The following SEMA3E variants were observed in gnomAD, a reference collection of about 807,000 sequenced individuals.
The protein encoded by SEMA3E is semaphorin-3E.
SEMA3E carries 49 observed loss-of-function variants against 93.6 expected under a neutral mutation model. The observed-to-expected ratio is 0.52, with a 90% confidence interval of 0.42 to 0.66. SEMA3E has a LOEUF of 0.66. Ranked by LOEUF, SEMA3E falls within the 30% of genes least tolerant of loss-of-function variation. The probability of loss-of-function intolerance (pLI) is 0.00; values close to 1 mark genes in which losing one functional copy is unlikely to be tolerated. For missense variants in SEMA3E, 906 were observed against 964.8 expected, an observed-to-expected ratio of 0.94 and a Z score of 0.81; for synonymous variants, 363 against 330.7, an observed-to-expected ratio of 1.10 and a Z score of -1.06.
At chr7:83,453,563 G>T (rs1470101197) in intron 4 of SEMA3E, among the ~76,000 whole-genome samples, 1 of 151,966 alleles carries the variant, frequency 6.6e-6, no homozygotes, top group African/African-American at 2.4e-5. Flanking sequence ...AAAACTCATA[G>T]ACTGAGACCA....
At chr7:83,438,598 AACAG>A (rs1789049541) in intron 4 of SEMA3E, among the ~76,000 whole-genome samples, 1 of 151,998 alleles carries the variant, frequency 6.6e-6, no homozygotes, top group Non-Finnish European at 1.5e-5. Flanking sequence ...ATTCAGTGTA[AACAG>A]ACAATTAACT....
At position 83,648,910 on chromosome 7, in the gene SEMA3E, AC is replaced by A. The variant is rs201079378; in HGVS notation, c.-369del. On this transcript the variant is annotated 5_prime_UTR_variant, in exon 1 of 17. Coordinates refer to ENST00000643230, the MANE Select transcript of SEMA3E (RefSeq NM_012431.3). ...AAAAAAAAAAAAAAGAGAGAAAAAA[AC>A]AAAACCGAGCACACGCACTCCCTTC... The A allele has an allele frequency of 0.048, 9,326 of 194,010 alleles. 1,009 individuals carry two copies. The highest frequency in any genetic ancestry group is 0.21 in the African/African-American group (8,382 of 40,104). 12.0% of individuals were successfully genotyped at this position (194,010 alleles called of 1,614,324 possible).
chr7:83,538,909 G>A (rs1024685839), intron 1 of SEMA3E, among the ~76,000 whole-genome samples: 6 of 152,118 alleles, frequency 3.9e-5, no homozygotes, highest in African/African-American at 1.2e-4. Context: ...AGGGATTCCC[G>A]TCGCTCTCTC....
intron 5 of SEMA3E, among the ~76,000 whole-genome samples, chr7:83,417,187 G>C (rs1430293160): frequency 6.6e-6 from 1 of 151,922 alleles, no homozygotes; most frequent in Non-Finnish European, 1.5e-5. Flanking sequence ...TGAAGCTGAA[G>C]TAAATCAAAC....
At chr7:83,448,041 G>A (rs1789271632) in intron 4 of SEMA3E, among the ~76,000 whole-genome samples, 1 of 152,100 alleles carries the variant, frequency 6.6e-6, no homozygotes, top group Non-Finnish European at 1.5e-5. Context: ...CACAATAAAT[G>A]AGTAAAATTA....
chr7:83,507,941 C>T (rs1461685319), intron 1 of SEMA3E, among the ~76,000 whole-genome samples: 1 of 151,878 alleles, frequency 6.6e-6, no homozygotes. Context: ...CAAAGCAAAA[C>T]CCTGTCTCAC....
intron 16 of SEMA3E, among the ~76,000 whole-genome samples, chr7:83,376,508 G>A (rs912106828): frequency 4.3e-4 from 66 of 151,980 alleles, no homozygotes; most frequent in African/African-American, 1.4e-3. Flanking sequence ...TAGCACAGAG[G>A]CAATGAACTC....
intron 1 of SEMA3E, among the ~76,000 whole-genome samples, chr7:83,497,588 C>G (rs1790513015): frequency 6.6e-6 from 1 of 152,130 alleles, no homozygotes; most frequent in Non-Finnish European, 1.5e-5. Flanking sequence ...TCACAACATG[C>G]TTTGATGATT....
intron 1 of SEMA3E, among the ~76,000 whole-genome samples, chr7:83,526,839 C>T (rs1285863218): frequency 6.6e-6 from 1 of 152,106 alleles, no homozygotes; most frequent in Non-Finnish European, 1.5e-5. Context: ...ACCAGTTAAA[C>T]CGTGGGAGGG....
chr7:83,624,194 T>G (rs1462323709), intron 1 of SEMA3E, among the ~76,000 whole-genome samples: 1 of 152,210 alleles, frequency 6.6e-6, no homozygotes, highest in Non-Finnish European at 1.5e-5. Flanking sequence ...TACATGTGCA[T>G]GTGTCTTTAT....
chr7:83,619,188 C>A (rs1334171869), intron 1 of SEMA3E, among the ~76,000 whole-genome samples: 1 of 151,640 alleles, frequency 6.6e-6, no homozygotes, highest in Admixed American at 6.6e-5. Flanking sequence ...TATGGAACAA[C>A]TTTTAGTAGT....
intron 1 of SEMA3E, among the ~76,000 whole-genome samples, chr7:83,643,772 A>G (rs1478927005): frequency 6.6e-6 from 1 of 152,116 alleles, no homozygotes; most frequent in East Asian, 1.9e-4. Context: ...AATATAAACT[A>G]TTTCTTAATA....
At chr7:83,591,984 A>G (rs1301645420) in intron 1 of SEMA3E, among the ~76,000 whole-genome samples, 2 of 152,178 alleles carry the variant, frequency 1.3e-5, no homozygotes, top group African/African-American at 4.8e-5. Context: ...AAAAAATACA[A>G]CCATAACATT....
intron 1 of SEMA3E, among the ~76,000 whole-genome samples, chr7:83,543,515 A>C (rs1791581664): frequency 6.6e-6 from 1 of 152,074 alleles, no homozygotes; most frequent in Admixed American, 6.6e-5. Context: ...ATCTAATGTC[A>C]TTCTCTTAAC....
intron 1 of SEMA3E, among the ~76,000 whole-genome samples, chr7:83,611,317 G>GTATAATATATAAATTTATATATTATA (rs1793254090): frequency 2.2e-5 from 3 of 137,624 alleles, no homozygotes; most frequent in African/African-American, 2.7e-5. Flanking sequence ...ATAAATTTAT[G>GTATAATATATAAATTTATATATTATA]TATAATATAT....
chr7:83,524,227 C>A (rs901093885), intron 1 of SEMA3E, among the ~76,000 whole-genome samples: 1 of 152,110 alleles, frequency 6.6e-6, no homozygotes, highest in Non-Finnish European at 1.5e-5. Flanking sequence ...GTTTATAAAT[C>A]ACTAATGTGC....
intron 16 of SEMA3E, among the ~76,000 whole-genome samples, chr7:83,377,134 A>T (rs1316523820): frequency 6.6e-6 from 1 of 152,062 alleles, no homozygotes. Flanking sequence ...TTGTCAGCAA[A>T]TGACTGAACT....
At chr7:83,463,072 T>A (rs1789664271) in intron 4 of SEMA3E, among the ~76,000 whole-genome samples, 1 of 149,760 alleles carries the variant, frequency 6.7e-6, no homozygotes. Context: ...CCCAAATTTC[T>A]TCCTCATCTG....
chr7:83,648,012 C>T (rs1794101700), intron 1 of SEMA3E, among the ~76,000 whole-genome samples: 1 of 152,134 alleles, frequency 6.6e-6, no homozygotes, highest in African/African-American at 2.4e-5. Flanking sequence ...AATTGCACCC[C>T]TATTTCTATA....
Sources: allele counts gnomAD v4.1 joint callset (sites outside exome capture counted in the v4.1 genomes callset), GRCh38; gene constraint gnomAD v4.1.1; transcripts MANE v1.5; gene names NCBI Gene and HGNC (gene_info 2026-07-23, HGNC 2026-07-21).